Variants in MGAT4C observed in about 807,000 individuals in gnomAD.
MGAT4C encodes MGAT4 family member C.
MGAT4C carries 19 observed loss-of-function variants against 40.1 expected under a neutral mutation model. That is an observed-to-expected ratio of 0.47 (90% CI 0.33 to 0.70). MGAT4C has a LOEUF of 0.70. Among genes scored for constraint, MGAT4C ranks in the 30% least tolerant of loss-of-function variants. MGAT4C has a pLI of 0.02. For synonymous variants in MGAT4C, 181 were observed against 187.1 expected (o/e 0.97, Z 0.27); for missense variants, 491 against 563.2 (o/e 0.87, Z 1.30).
At chr12:86,774,297 TTC>T (rs1375588029) in intron 1 of MGAT4C, among the ~76,000 whole-genome samples, 1 of 32,698 alleles carries the variant, frequency 3.1e-5, no homozygotes, top group Non-Finnish European at 7.8e-5. Context: ...CTTTCTTTCT[TTC>T]TTTCTTTCTT....
intron 2 of MGAT4C, among the ~76,000 whole-genome samples, chr12:86,569,034 A>G (rs987606576): frequency 6.6e-6 from 1 of 152,024 alleles, no homozygotes; most frequent in East Asian, 1.9e-4. Context: ...GAGGTGAAAA[A>G]ATGGGCGGGG....
At chr12:86,661,929 T>G (rs1385758258) in intron 2 of MGAT4C, among the ~76,000 whole-genome samples, 1 of 152,010 alleles carries the variant, frequency 6.6e-6, no homozygotes, top group Non-Finnish European at 1.5e-5. Context: ...AGAGGAAGAC[T>G]CCATCTAAAA....
At chr12:86,791,917 G>A (rs957061518) in intron 1 of MGAT4C, among the ~76,000 whole-genome samples, 3 of 152,196 alleles carry the variant, frequency 2.0e-5, no homozygotes, top group Non-Finnish European at 4.4e-5. Flanking sequence ...AAGCAGGAGA[G>A]ACACAGGCAT....
At chr12:86,271,314 G>C (rs555788901) in intron 4 of MGAT4C, among the ~76,000 whole-genome samples, 1 of 152,146 alleles carries the variant, frequency 6.6e-6, no homozygotes, top group South Asian at 2.1e-4. Flanking sequence ...AACTGAACAG[G>C]AAAAGACCAA....
At chr12:86,144,205 A>C (rs948745214) in intron 1 of MGAT4C, among the ~76,000 whole-genome samples, 1 of 152,208 alleles carries the variant, frequency 6.6e-6, no homozygotes, top group Non-Finnish European at 1.5e-5. Flanking sequence ...TCCTGGTCCC[A>C]TATCAAGCCT....
intron 2 of MGAT4C, among the ~76,000 whole-genome samples, chr12:86,611,468 A>AGAT (rs1399428191): frequency 6.7e-6 from 1 of 149,892 alleles, no homozygotes; most frequent in African/African-American, 2.4e-5. Context: ...ATAGATAGAT[A>AGAT]GATAGATAGA....
intron 2 of MGAT4C, among the ~76,000 whole-genome samples, chr12:86,625,870 A>G (rs1962788158): frequency 6.6e-6 from 1 of 152,142 alleles, no homozygotes; most frequent in African/African-American, 2.4e-5. Context: ...ATTAATAGAA[A>G]CATAGTAAAT....
At chr12:86,271,610 A>C (rs140586805) in intron 4 of MGAT4C, among the ~76,000 whole-genome samples, 1 of 152,318 alleles carries the variant, frequency 6.6e-6, no homozygotes, top group African/African-American at 2.4e-5. Flanking sequence ...AAAAACTGAA[A>C]ATAGTATTAC....
chr12:86,049,857 T>C (rs960778801), intron 1 of MGAT4C, 134 bp from the exon 2 acceptor site: 1 of 184,312 alleles, frequency 5.4e-6, no homozygotes, highest in African/African-American at 2.4e-5. Context: ...TATAAAATCT[T>C]TCTAAATTGA....
intron 1 of MGAT4C, among the ~76,000 whole-genome samples, chr12:86,066,664 A>C (rs1167862994): frequency 6.6e-6 from 1 of 152,292 alleles, no homozygotes; most frequent in African/African-American, 2.4e-5. Context: ...AGACCTCATG[A>C]CTAAAACACC....
At chr12:85,987,283 C>T (rs1241558373) in intron 3 of MGAT4C, among the ~76,000 whole-genome samples, 59 of 150,158 alleles carry the variant, frequency 3.9e-4, no homozygotes, top group African/African-American at 1.4e-3. Context: ...GCTACAGGCG[C>T]CCGCCACTAC....
chr12:86,323,256 T>C (rs762929597), intron 4 of MGAT4C, among the ~76,000 whole-genome samples: 2 of 151,804 alleles, frequency 1.3e-5, no homozygotes, highest in Non-Finnish European at 2.9e-5. Context: ...TCAAGTTTTC[T>C]ATAAAAATTA....
At chr12:86,412,471 A>G (rs1453140608) in intron 3 of MGAT4C, among the ~76,000 whole-genome samples, 2 of 152,186 alleles carry the variant, frequency 1.3e-5, no homozygotes, top group Admixed American at 6.5e-5. Context: ...TTGAGATTTA[A>G]TAATTGCCCT....
chr12:86,836,176 C>T (rs908160033), intron 1 of MGAT4C, among the ~76,000 whole-genome samples: 2 of 151,986 alleles, frequency 1.3e-5, no homozygotes, highest in South Asian at 2.1e-4. Flanking sequence ...TACTATAACA[C>T]TTTGACATGT....
At chr12:86,316,005 G>C (rs1954212401) in intron 4 of MGAT4C, among the ~76,000 whole-genome samples, 1 of 109,146 alleles carries the variant, frequency 9.2e-6, no homozygotes, top group African/African-American at 3.5e-5. Flanking sequence ...TCAACAAGCA[G>C]AAAGCAAATA....
At chr12:86,661,110 C>T (rs1024954418) in intron 2 of MGAT4C, among the ~76,000 whole-genome samples, 1 of 151,956 alleles carries the variant, frequency 6.6e-6, no homozygotes, top group Non-Finnish European at 1.5e-5. Context: ...TACAGTCTCC[C>T]CTTGATAGCT....
intron 2 of MGAT4C, among the ~76,000 whole-genome samples, chr12:86,626,530 G>C (rs1465701946): frequency 1.3e-5 from 2 of 152,120 alleles, no homozygotes; most frequent in African/African-American, 4.8e-5. Flanking sequence ...CTATAAGGCA[G>C]TACAGATTAA....
At chr12:86,634,392 TTATC>T (rs569766527) in intron 2 of MGAT4C, among the ~76,000 whole-genome samples, 77 of 152,274 alleles carry the variant, frequency 5.1e-4, no homozygotes, top group Non-Finnish European at 3.8e-4. Flanking sequence ...GGTGTGTTGA[TTATC>T]TATTGTTTTG....
chr12:86,629,859 C>G (rs1962969785), intron 2 of MGAT4C, among the ~76,000 whole-genome samples: 1 of 152,052 alleles, frequency 6.6e-6, no homozygotes, highest in South Asian at 2.1e-4. Context: ...GAAGCAAGAG[C>G]AAACACATTC....
Sources: gnomAD v4.1 joint callset for allele counts (sites outside exome capture counted in the v4.1 genomes callset) on GRCh38, gnomAD v4.1.1 for gene constraint, MANE v1.5 for transcripts, NCBI Gene and HGNC (gene_info 2026-07-23, HGNC 2026-07-21) for gene names.